The following PRDM15 variants were observed in gnomAD, a reference collection of about 807,000 sequenced individuals.
PRDM15 encodes PR/SET domain 15, also known as PR domain zinc finger protein 15.
A neutral mutation model predicts 128.6 loss-of-function variants in PRDM15; 64 were observed. The observed-to-expected ratio is 0.50, with a 90% CI of 0.41 to 0.61. The LOEUF (loss-of-function observed/expected upper bound fraction) is 0.61, where lower values mean the gene tolerates loss of function less well. PRDM15 is among the 20% of genes least tolerant of loss of function. The pLI is 0.00. For missense variants in PRDM15, 1,242 were observed against 1,569.1 expected (o/e 0.79, Z 3.52); for synonymous variants, 615 against 621.8 (o/e 0.99, Z 0.16).
intron 1 of PRDM15, among the ~76,000 whole-genome samples, 175 bp from the exon 2 acceptor site, chr21:41,860,547 T>C (rs2145914213): frequency 6.6e-6 from 1 of 152,264 alleles, no homozygotes; most frequent in East Asian, 1.9e-4. Flanking sequence ...CTCAGCCTCC[T>C]GAGTAGCTGG....
At chr21:41,824,939 G>A (rs562363842) in intron 13 of PRDM15, among the ~76,000 whole-genome samples, 7 of 152,366 alleles carry the variant, frequency 4.6e-5, no homozygotes, top group East Asian at 1.9e-4. Context: ...GGCCTCCTGC[G>A]GGGGCCTGTG....
intron 19 of PRDM15, chr21:41,814,747 T>C (rs2061985924): frequency 6.5e-6 from 1 of 153,878 alleles, no homozygotes; most frequent in Admixed American, 6.6e-5. Flanking sequence ...GTGTTAGTGA[T>C]TGCGCAGGGT....
intron 1 of PRDM15, among the ~76,000 whole-genome samples, chr21:41,877,021 A>T (rs1601514396): frequency 6.6e-6 from 1 of 151,138 alleles, no homozygotes; most frequent in South Asian, 2.1e-4. Context: ...CTGCTGCCCC[A>T]CCTCCATGGC....
chr21:41,834,404 T>C, intron 11 of PRDM15: 1 of 1,115,208 alleles, frequency 9.0e-7, no homozygotes. Flanking sequence ...TGCCCTGTTC[T>C]CAACACAGGG....
chr21:41,836,746 C>CT, intron 8 of PRDM15, 97 bp from the exon 9 acceptor site: 2 of 1,028,436 alleles, frequency 1.9e-6, no homozygotes, highest in East Asian at 4.9e-5. Flanking sequence ...AACTTCCCAG[C>CT]TAATCCCGAG....
intron 1 of PRDM15, among the ~76,000 whole-genome samples, chr21:41,874,223 G>A (rs1376613950): frequency 3.3e-5 from 5 of 151,890 alleles, no homozygotes; most frequent in Non-Finnish European, 5.9e-5. Flanking sequence ...ACCCTAGAGG[G>A]CTTGGATGGT....
At position 41,828,447 on chromosome 21, in the gene PRDM15, G is replaced by A. The variant is rs943208872; in HGVS notation, c.1367-114C>T. ...CGCGGGTGACGGGCATGAGAGTCAC[G>A]GGGATGCGTGGCCAGGAAGAAAACA... On this transcript the variant is annotated intron_variant, in intron 11 of 23. Coordinates refer to ENST00000398548, the MANE Select transcript of PRDM15 (RefSeq NM_001040424.3). This position sits in a 1 kb window ranked among gnomAD's most constrained non-coding sequence, Gnocchi z 5.7. 3.1e-5 allele frequency: 32 copies of A among 1,024,806 alleles called. No homozygotes were observed. The highest frequency in any genetic ancestry group is 4.2e-5 in the South Asian group (3 of 71,840). The allele number at this position is 1,024,806 out of a possible 1,614,324, so 63.5% of individuals were successfully genotyped here.
intron 17 of PRDM15, 64 bp from the exon 18 acceptor site, chr21:41,819,765 G>A (rs1019965738): frequency 4.5e-6 from 7 of 1,542,238 alleles, no homozygotes; most frequent in Non-Finnish European, 6.1e-6. Flanking sequence ...CTGCAAAGAG[G>A]ATGCACCAAG....
At chr21:41,829,242 CAT>C (rs1220602312) in intron 11 of PRDM15, among the ~76,000 whole-genome samples, 15 of 147,390 alleles carry the variant, frequency 1.0e-4, no homozygotes, top group African/African-American at 3.8e-4. Context: ...TATGCAAATA[CAT>C]ACACACCCAA....
intron 5 of PRDM15, among the ~76,000 whole-genome samples, chr21:41,847,933 T>TAA (rs1190290329): frequency 9.9e-5 from 15 of 152,224 alleles, no homozygotes; most frequent in Non-Finnish European, 1.9e-4. Context: ...TACAGGCACC[T>TAA]TTTAACAAAA....
At chr21:41,831,569 T>G (rs941506043) in intron 11 of PRDM15, among the ~76,000 whole-genome samples, 9 of 151,992 alleles carry the variant, frequency 5.9e-5, no homozygotes, top group Non-Finnish European at 1.3e-4. Flanking sequence ...AGGTTGGGGG[T>G]GAGGGAAGCA....
Position 41,836,115 on chromosome 21 carries a change from C to T in PRDM15, c.1276G>A (p.Glu426Lys), listed in dbSNP as rs147705161. 2.7e-5 allele frequency: 44 copies of T among 1,612,736 alleles called. No individual in the cohort carries two copies. The African/African-American group carries it at 5.2e-4, about 19-fold the overall frequency. Residue 426 changes from glutamate to lysine, a missense_variant and splice_region_variant, in exon 10 of 24, where the codon GAG becomes AAG. Around this residue, in one of 3 missense-constraint regions of PRDM15, gnomAD observed 612 missense variants for 717.0 expected, o/e 0.85. Coordinates refer to ENST00000398548, the MANE Select transcript of PRDM15 (RefSeq NM_001040424.3). The stretch of plus-strand genomic sequence containing the variant: ...ACCCTGGGCTTGTTTCCACCCACCT[C>T]GTTCCTGCTGTGCTTGTAGGAAACG... ...QHVSYKHSRN[E>K]VDGEYRYRCG...
intron 5 of PRDM15, among the ~76,000 whole-genome samples, chr21:41,848,406 C>T (rs8128114): frequency 2.4e-4 from 37 of 152,268 alleles, no homozygotes; most frequent in Admixed American, 5.9e-4. Context: ...GAGCAGAAAA[C>T]GGTGTGGGGG....
intron 1 of PRDM15, among the ~76,000 whole-genome samples, chr21:41,866,295 T>C (rs1315966632): frequency 3.9e-5 from 6 of 152,260 alleles, no homozygotes; most frequent in African/African-American, 1.4e-4. Flanking sequence ...GGAGGAGAAA[T>C]TTTACATGTT....
At chr21:41,827,604 A>T (rs2062515206) in intron 12 of PRDM15, among the ~76,000 whole-genome samples, 1 of 152,168 alleles carries the variant, frequency 6.6e-6, no homozygotes. Context: ...AGCCTCTCAA[A>T]GTGCTGGGAT....
At chr21:41,845,306 C>A (rs1390358529) in intron 6 of PRDM15, among the ~76,000 whole-genome samples, 7 of 102,924 alleles carry the variant, frequency 6.8e-5, no homozygotes, top group African/African-American at 1.2e-4. Flanking sequence ...CTCACAGGGA[C>A]ACACAGCCCC....
At position 41,826,009 on chromosome 21, in the gene PRDM15, T is replaced by C; in HGVS notation, c.1580A>G (p.Asn527Ser). Residue 527 changes from asparagine (N) to serine (S), a missense_variant, in exon 13 of 24, where the codon AAC (asparagine) becomes AGC (serine). By Grantham distance (46) the Asn-to-Ser change is conservative (BLOSUM62 1). This residue lies in a region of PRDM15 where 612 missense variants were observed against 717.0 expected (regional missense o/e 0.85). Coordinates refer to ENST00000398548, the MANE Select transcript of PRDM15 (RefSeq NM_001040424.3). ...KREDLEAGGE[N>S]LVRYKKEPSG... The stretch of plus-strand genomic sequence containing the variant: ...AGGCTCCTTCTTGTAACGGACCAGG[T>C]TCTCCCCACCGGCCTCCAGGTCCTC... 11 of 1,614,118 alleles carry C rather than the reference T, an allele frequency of 6.8e-6. No homozygotes were observed. The highest frequency in any genetic ancestry group is 9.3e-6 in the Non-Finnish European group (11 of 1,180,012).
chr21:41,862,084 C>T lies in PRDM15; in HGVS notation c.-9-1712G>A, dbSNP rs115319922. ...AGCTGGGCAGTGAGCAGGAGATGAA[C>T]AGGACAAAGGGCAGAAGAAACCCAG... On this transcript the variant is annotated intron_variant, in intron 1 of 23. Transcript: ENST00000398548. This position sits in a 1 kb window ranked among gnomAD's most constrained non-coding sequence, Gnocchi z 4.1. 184 of 1,052,994 alleles carry T rather than the reference C, an allele frequency of 1.7e-4. No homozygotes were observed. The African/African-American group carries it at 2.5e-3, about 14-fold the overall frequency. 65.2% of individuals were successfully genotyped at this position (1,052,994 alleles called of 1,614,324 possible). A position where few individuals can be genotyped will look rare whatever the true frequency, so the allele number is the denominator to read the frequency against.
At chr21:41,819,981 G>T in intron 17 of PRDM15, 114 bp downstream of exon 17, 2 of 905,278 alleles carry the variant, frequency 2.2e-6, no homozygotes, top group Non-Finnish European at 1.7e-6. Flanking sequence ...AGGAAGGCAT[G>T]GGGGAGGCAA....
Sources: gnomAD v4.1 joint callset for allele counts (sites outside exome capture counted in the v4.1 genomes callset) on GRCh38, gnomAD v4.1.1 for gene constraint, gnomAD v4.1.1 regional missense constraint, Gnocchi (gnomAD v3.1) non-coding constraint, MANE v1.5 for transcripts, NCBI Gene and HGNC (gene_info 2026-07-23, HGNC 2026-07-21) for gene names.